FAP: variants seen among roughly 807,000 people sequenced by gnomAD.
FAP encodes the protein fibroblast activation protein alpha, also known as prolyl endopeptidase FAP.
Under a neutral mutation model 126.5 loss-of-function variants are expected in FAP, and 110 were observed. That is an observed-to-expected ratio of 0.87 (90% confidence interval 0.74 to 1.02). The LOEUF is 1.02. FAP is among the 50% of genes least tolerant of loss of function. FAP has a pLI of 0.00. For synonymous variants in FAP, 334 were observed against 297.3 expected (o/e 1.12, Z -1.27); for missense variants, 919 against 909.2 (o/e 1.01, Z -0.14).
intron 21 of FAP, among the ~76,000 whole-genome samples, chr2:162,178,295 C>T (rs781627884): frequency 4.6e-5 from 7 of 152,184 alleles, no homozygotes; most frequent in South Asian, 2.1e-4. Context: ...GCAAAACCCT[C>T]GCTGCTCTTC....
At chr2:162,212,341 T>A (rs1688972120) in intron 11 of FAP, among the ~76,000 whole-genome samples, 1 of 152,332 alleles carries the variant, frequency 6.6e-6, no homozygotes, top group East Asian at 1.9e-4. Context: ...TTTAAAGATA[T>A]AGTCACCCAA....
intron 2 of FAP, among the ~76,000 whole-genome samples, chr2:162,232,958 T>G (rs1225912521): frequency 6.6e-6 from 1 of 152,150 alleles, no homozygotes; most frequent in African/African-American, 2.4e-5. Context: ...CATTTTGGCA[T>G]GGCTGTTACT....
At chr2:162,218,372 A>G (rs1235245509) in intron 8 of FAP, among the ~76,000 whole-genome samples, 2 of 152,152 alleles carry the variant, frequency 1.3e-5, no homozygotes, top group Non-Finnish European at 2.9e-5. Context: ...TTAATCAGAA[A>G]TGTAATTTTT....
chr2:162,225,331 G>A, intron 4 of FAP, 152 bp downstream of exon 4: 1 of 854,228 alleles, frequency 1.2e-6, no homozygotes, highest in Middle Eastern at 2.4e-4. Flanking sequence ...AGTCTAATGG[G>A]ACTAGCAGAC....
chr2:162,171,558 A>G (rs1687304970), intron 25 of FAP: 1 of 158,434 alleles, frequency 6.3e-6, no homozygotes, highest in Non-Finnish European at 1.4e-5. Flanking sequence ...ATATAGCCAT[A>G]AACACCCTTT....
chr2:162,175,267 A>AG (rs1559759422), intron 21 of FAP: 1 of 173,514 alleles, frequency 5.8e-6, no homozygotes, highest in East Asian at 1.5e-4. Flanking sequence ...GCAAAAAAAA[A>AG]ATTCTCATTT....
chr2:162,172,505 A>T (rs181733560), intron 25 of FAP: 34 of 267,430 alleles, frequency 1.3e-4, no homozygotes, highest in African/African-American at 7.1e-4. Context: ...GACTCTAAGC[A>T]TATAATTGCA....
intron 11 of FAP, 68 bp downstream of exon 11, chr2:162,213,870 A>G (rs1439757788): frequency 6.1e-6 from 9 of 1,484,050 alleles, no homozygotes; most frequent in Non-Finnish European, 7.3e-6. Context: ...AATGTTAGCT[A>G]TGGATGAGTC....
intron 2 of FAP, among the ~76,000 whole-genome samples, chr2:162,234,570 T>A (rs1356828163): frequency 6.6e-6 from 1 of 152,172 alleles, no homozygotes; most frequent in Admixed American, 6.5e-5. Context: ...CTTTATATAT[T>A]TTTTTCTTGC....
Position 162,243,407 on chromosome 2 carries a change from A to G in FAP, c.-80T>C. On this transcript the variant is annotated 5_prime_UTR_variant, in exon 1 of 26. Transcript: ENST00000188790. ...GGATCTGTGAAAACCGTTGAAAAGG[A>G]CCAAGTCTGTCTTTGTAGTTGGAAG... is the stretch of plus-strand genomic sequence containing the variant. 6.4e-7 allele frequency: 1 copy of G among 1,560,124 alleles called. No individual in the cohort carries two copies. Among genetic ancestry groups the G allele is most frequent in the Non-Finnish European group, 8.6e-7 (1 of 1,159,448 alleles).
chr2:162,189,011 C>T (rs1687949013), intron 19 of FAP, 92 bp downstream of exon 19: 2 of 712,860 alleles, frequency 2.8e-6, no homozygotes, highest in African/African-American at 1.8e-5. Flanking sequence ...GCACTGTTAC[C>T]AAGGAGAATG....
intron 2 of FAP, among the ~76,000 whole-genome samples, chr2:162,233,037 A>G (rs931062343): frequency 6.6e-6 from 1 of 152,060 alleles, no homozygotes; most frequent in African/African-American, 2.4e-5. Flanking sequence ...TTTCTACTAC[A>G]TATCCCTGGG....
At chr2:162,217,909 C>T in intron 9 of FAP, 77 bp downstream of exon 9, 3 of 1,166,448 alleles carry the variant, frequency 2.6e-6, no homozygotes, top group Non-Finnish European at 3.6e-6. Flanking sequence ...CTTGTTGATC[C>T]CACCTTTACT....
intron 2 of FAP, among the ~76,000 whole-genome samples, chr2:162,236,253 T>A (rs2106302663): frequency 1.3e-5 from 2 of 152,282 alleles, no homozygotes; most frequent in South Asian, 4.1e-4. Flanking sequence ...AGATACCGAT[T>A]TATAATTTTC....
chr2:162,183,388 G>C (rs1286823503), intron 21 of FAP, 26 bp downstream of exon 21: 2 of 1,540,924 alleles, frequency 1.3e-6, no homozygotes, highest in Non-Finnish European at 9.0e-7. Context: ...CTGAATAACA[G>C]GCATAAAAAA....
intron 21 of FAP, among the ~76,000 whole-genome samples, chr2:162,179,522 T>C (rs958407546): frequency 6.6e-6 from 1 of 152,106 alleles, no homozygotes; most frequent in Non-Finnish European, 1.5e-5. Flanking sequence ...ATTCCTTTGA[T>C]GAACTTACAT....
Position 162,227,862 on chromosome 2 carries a change from A to G in FAP, c.92-1241T>C, listed in dbSNP as rs915549841. ...TCTAGTCTCTCTCCTTTAATGCTCA[A>G]TCCAAAAGCTATATACTTCCTCTGA... is the stretch of plus-strand genomic sequence containing the variant. On this transcript the variant is annotated intron_variant, in intron 2 of 25. Transcript: ENST00000188790. Among the ~76,000 whole-genome samples, 4 of 151,992 alleles carry G rather than the reference A, an allele frequency of 2.6e-5. No individual in the cohort carries two copies. The South Asian group carries it at 8.3e-4, about 32-fold the overall frequency.
At chr2:162,205,282 A>G (rs917958379) in intron 12 of FAP, among the ~76,000 whole-genome samples, 1 of 152,232 alleles carries the variant, frequency 6.6e-6, no homozygotes. Flanking sequence ...AGTTTCATTA[A>G]TAATAAGACC....
chr2:162,222,934 A>G (rs1337843659), intron 6 of FAP, among the ~76,000 whole-genome samples: 1 of 152,042 alleles, frequency 6.6e-6, no homozygotes, highest in Non-Finnish European at 1.5e-5. Flanking sequence ...GCCTTTACAT[A>G]TTCTTCTTGC....
Sources: gnomAD v4.1 joint callset for allele counts (sites outside exome capture counted in the v4.1 genomes callset) on GRCh38, gnomAD v4.1.1 for gene constraint, MANE v1.5 for transcripts, NCBI Gene and HGNC (gene_info 2026-07-23, HGNC 2026-07-21) for gene names.